DPP6: variants seen among roughly 807,000 people sequenced by gnomAD.
DPP6 encodes dipeptidyl peptidase like 6.
Under a neutral mutation model 122.6 loss-of-function variants are expected in DPP6, and 69 were observed. The ratio of observed to expected loss-of-function variants is 0.56; its 90% CI spans 0.46 to 0.69. The LOEUF is 0.69. Among genes scored for constraint, DPP6 ranks in the 30% least tolerant of loss-of-function variants. The pLI, the probability that DPP6 is intolerant of heterozygous loss-of-function variation, is 0.00. For missense variants in DPP6, 928 were observed against 1,116.9 expected (o/e 0.83, Z 2.41); for synonymous variants, 418 against 433.1 (o/e 0.97, Z 0.43).
At chr7:154,374,761 G>A (rs1403715167) in intron 1 of DPP6, among the ~76,000 whole-genome samples, 1 of 151,898 alleles carries the variant, frequency 6.6e-6, no homozygotes, top group African/African-American at 2.4e-5. Context: ...ACAGGCGCCT[G>A]CCACCAGGCC....
the DPP6 span, among the ~76,000 whole-genome samples, chr7:153,772,985 TATA>T: frequency 0.02 from 2,682 of 132,492 alleles, 47 homozygotes; most frequent in African/African-American, 0.038. Context: ...TTATATATTA[TATA>T]ATAATATATA....
At position 154,857,432 on chromosome 7, in the gene DPP6, G is replaced by A. The variant is rs145773327; in HGVS notation, c.1714+3605G>A. Among the ~76,000 whole-genome samples, 667 of 152,320 alleles carry A rather than the reference G, an allele frequency of 4.4e-3. 12 individuals carry two copies. Among genetic ancestry groups the A allele is most frequent in the African/African-American group, 0.015 (627 of 41,572 alleles). On this transcript the variant is annotated intron_variant, in intron 17 of 25. Coordinates refer to ENST00000377770, the MANE Select transcript of DPP6 (RefSeq NM_130797.4). ...GTCCACCTGGGAAATAAGAGTGAGT[G>A]TGGCAGGGCCTGGTAAAGTGCCAAA...
intron 1 of DPP6, among the ~76,000 whole-genome samples, chr7:154,036,299 GT>G (rs201377816): frequency 0.37 from 52,491 of 142,590 alleles, 10,001 homozygotes; most frequent in African/African-American, 0.4. Context: ...TTAGCGGGGG[GT>G]TGGGGGCGGG....
chr7:154,315,834 G>T (rs1432867837), intron 1 of DPP6, among the ~76,000 whole-genome samples: 1 of 152,188 alleles, frequency 6.6e-6, no homozygotes, highest in African/African-American at 2.4e-5. Flanking sequence ...ATAGGGGTCA[G>T]TTTAACTAAG....
the DPP6 span, among the ~76,000 whole-genome samples, chr7:153,840,594 A>G: frequency 1.4e-4 from 21 of 152,314 alleles, no homozygotes; most frequent in African/African-American, 4.8e-4. Context: ...TAGAAAAGTG[A>G]CTTGGAAATA....
At chr7:154,623,250 G>A (rs557674967) in intron 5 of DPP6, among the ~76,000 whole-genome samples, 4 of 152,240 alleles carry the variant, frequency 2.6e-5, no homozygotes, top group African/African-American at 4.8e-5. Flanking sequence ...TTGCCGGTGC[G>A]TTGCACTAAA....
At chr7:154,073,443 G>A (rs1332964454) in intron 1 of DPP6, among the ~76,000 whole-genome samples, 1 of 152,248 alleles carries the variant, frequency 6.6e-6, no homozygotes, top group Non-Finnish European at 1.5e-5. Flanking sequence ...CTGTTCCGCA[G>A]CCCCTGGACC....
intron 16 of DPP6, among the ~76,000 whole-genome samples, chr7:154,841,470 G>T (rs1801541991): frequency 6.6e-6 from 1 of 151,992 alleles, no homozygotes; most frequent in Non-Finnish European, 1.5e-5. Context: ...TCACTCCAAG[G>T]GGCATAAAAC....
intron 7 of DPP6, among the ~76,000 whole-genome samples, chr7:154,680,694 TAAAAAAA>T (rs111811314): frequency 0.16 from 24,100 of 149,328 alleles, 2,061 homozygotes; most frequent in East Asian, 0.34. Flanking sequence ...ATATTTTTTT[TAAAAAAA>T]AATTAAAAAG....
intron 1 of DPP6, among the ~76,000 whole-genome samples, chr7:154,407,913 T>G (rs1816257727): frequency 6.6e-6 from 1 of 152,206 alleles, no homozygotes; most frequent in South Asian, 2.1e-4. Flanking sequence ...TGCAACTTAC[T>G]AGCTTTATCT....
intron 1 of DPP6, among the ~76,000 whole-genome samples, chr7:153,907,751 T>G (rs189123879): frequency 6.6e-6 from 1 of 152,210 alleles, no homozygotes; most frequent in Non-Finnish European, 1.5e-5. Flanking sequence ...TTCTCTGGGT[T>G]TCCAGCCTGC....
intron 7 of DPP6, among the ~76,000 whole-genome samples, chr7:154,712,101 G>A (rs1344083836): frequency 6.6e-6 from 1 of 152,066 alleles, no homozygotes; most frequent in African/African-American, 2.4e-5. Context: ...GCCTCAATTA[G>A]TTAAAACCCA....
the DPP6 span, among the ~76,000 whole-genome samples, chr7:153,864,672 TACACAC>T: frequency 0.086 from 11,585 of 135,124 alleles, 524 homozygotes; most frequent in East Asian, 0.12. Flanking sequence ...ATAATAATAA[TACACAC>T]ACACACACAC....
At chr7:153,802,824 A>C in the DPP6 span, among the ~76,000 whole-genome samples, 4 of 152,186 alleles carry the variant, frequency 2.6e-5, no homozygotes, top group Non-Finnish European at 5.9e-5. Flanking sequence ...AGGGACTCCC[A>C]GTGGCTCTAC....
At chr7:154,870,882 G>A (rs1406504641) in intron 18 of DPP6, among the ~76,000 whole-genome samples, 1 of 146,408 alleles carries the variant, frequency 6.8e-6, no homozygotes, top group South Asian at 2.2e-4. Flanking sequence ...AGAATCACTT[G>A]AACCCAGGAG....
intron 7 of DPP6, among the ~76,000 whole-genome samples, chr7:154,674,226 G>C (rs1054994745): frequency 6.6e-6 from 1 of 152,272 alleles, no homozygotes. Flanking sequence ...CCCCGACCAT[G>C]TGTTTGTCTG....
chr7:154,267,909 T>G lies in DPP6; in HGVS notation c.244-178305T>G, dbSNP rs182132616. Among the ~76,000 whole-genome samples the G allele has an allele frequency of 2.0e-4, 29 of 147,644 alleles. 1 individual carries two copies. Among genetic ancestry groups the G allele is most frequent in the African/African-American group, 7.3e-4 (29 of 39,538 alleles). On this transcript the variant is annotated intron_variant, in intron 1 of 25. Coordinates refer to ENST00000377770, the MANE Select transcript of DPP6 (RefSeq NM_130797.4). ...TTATAAACACATATACACACGTATA[T>G]GCACACATACATATTTATGTGTGTG... is the stretch of plus-strand genomic sequence containing the variant.
At chr7:154,670,454 A>G (rs1007732992) in intron 7 of DPP6, among the ~76,000 whole-genome samples, 5 of 152,214 alleles carry the variant, frequency 3.3e-5, no homozygotes, top group Non-Finnish European at 7.3e-5. Flanking sequence ...CAGCCCAGCC[A>G]TGTAGTGAAG....
chr7:154,091,306 G>A (rs1212019813), intron 1 of DPP6, among the ~76,000 whole-genome samples: 1 of 152,062 alleles, frequency 6.6e-6, no homozygotes, highest in Admixed American at 6.6e-5. Context: ...ATTCCTCAGG[G>A]GTGCAGGTAG....
Sources: allele counts gnomAD v4.1 joint callset (sites outside exome capture counted in the v4.1 genomes callset), GRCh38; gene constraint gnomAD v4.1.1; transcripts MANE v1.5; gene names NCBI Gene and HGNC (gene_info 2026-07-23, HGNC 2026-07-21).